The following MAML3 variants were observed in gnomAD, a reference collection of about 807,000 sequenced individuals.
The protein encoded by MAML3 is mastermind-like protein 3.
In MAML3, 27 loss-of-function variants were observed where a neutral mutation model predicts 101.9. The observed-to-expected ratio is 0.27, with a 90% CI of 0.20 to 0.37. MAML3 has a LOEUF of 0.37. Among genes scored for constraint, MAML3 ranks in the 10% least tolerant of loss-of-function variants. MAML3 has a pLI of 1.00. For missense variants in MAML3, 1,316 were observed against 1,444.9 expected, an observed-to-expected ratio of 0.91 and a Z score of 1.45; for synonymous variants, 501 against 555.9, an observed-to-expected ratio of 0.90 and a Z score of 1.39.
intron 1 of MAML3, among the ~76,000 whole-genome samples, chr4:139,926,107 A>G (rs1733222283): frequency 6.6e-6 from 1 of 152,282 alleles, no homozygotes; most frequent in Non-Finnish European, 1.5e-5. Context: ...ACACCCATAT[A>G]CCGAGAAGGC....
chr4:139,913,275 C>T (rs1732963893), intron 1 of MAML3, among the ~76,000 whole-genome samples: 1 of 152,178 alleles, frequency 6.6e-6, no homozygotes, highest in Non-Finnish European at 1.5e-5. Context: ...TTAGTGCTGT[C>T]ATCATCTGGA....
At chr4:140,147,998 C>A (rs776193636) in intron 1 of MAML3, among the ~76,000 whole-genome samples, 1 of 152,016 alleles carries the variant, frequency 6.6e-6, no homozygotes, top group South Asian at 2.1e-4. Context: ...GGCAGGAAAA[C>A]TTCTTTAACA....
chr4:139,886,038 C>T (rs1000762492), intron 2 of MAML3, among the ~76,000 whole-genome samples: 1 of 146,956 alleles, frequency 6.8e-6, no homozygotes, highest in Non-Finnish European at 1.5e-5. Flanking sequence ...AGAGAAGATT[C>T]AAAAACTTTT....
chr4:139,974,628 A>G lies in MAML3; in HGVS notation c.469-83661T>C, dbSNP rs557166655. On this transcript the variant is annotated intron_variant, in intron 1 of 4. Transcript: ENST00000509479. ...TGGTAAAATGAAGGAGTCAGAAGAG[A>G]TGATTCCCGAGACTCTTCTAGGTCT... is the stretch of plus-strand genomic sequence containing the variant. Among the ~76,000 whole-genome samples the G allele has an allele frequency of 3.9e-5, 6 of 152,276 alleles. No homozygotes were observed. The East Asian group carries it at 1.2e-3, about 29-fold the overall frequency.
chr4:139,879,188 G>A (rs140961803), intron 2 of MAML3, among the ~76,000 whole-genome samples: 16 of 152,174 alleles, frequency 1.1e-4, no homozygotes, highest in African/African-American at 3.6e-4. Context: ...TTTGTTTTGC[G>A]CCCAGCCCGC....
At chr4:140,054,422 T>C (rs1727319317) in intron 1 of MAML3, among the ~76,000 whole-genome samples, 1 of 151,282 alleles carries the variant, frequency 6.6e-6, no homozygotes, top group Admixed American at 6.6e-5. Context: ...AACATAAGAC[T>C]TGATTCATTG....
intron 2 of MAML3, among the ~76,000 whole-genome samples, chr4:139,816,083 G>C (rs1365176000): frequency 6.6e-6 from 1 of 152,186 alleles, no homozygotes; most frequent in Non-Finnish European, 1.5e-5. Flanking sequence ...GGGAGGAAGA[G>C]AGGGGAGTGC....
intron 1 of MAML3, among the ~76,000 whole-genome samples, chr4:140,062,155 C>G (rs546400233): frequency 1.3e-5 from 2 of 152,286 alleles, no homozygotes; most frequent in South Asian, 4.1e-4. Flanking sequence ...TTCAAAGTTT[C>G]CCTCCTCACA....
At chr4:139,747,640 G>A (rs1339146086) in intron 2 of MAML3, among the ~76,000 whole-genome samples, 2 of 151,914 alleles carry the variant, frequency 1.3e-5, no homozygotes, top group South Asian at 4.1e-4. Flanking sequence ...GTTACAGTGA[G>A]CCGAGATAGT....
chr4:139,964,500 G>A (rs1258328417), intron 1 of MAML3, among the ~76,000 whole-genome samples: 2 of 151,948 alleles, frequency 1.3e-5, no homozygotes, highest in African/African-American at 4.8e-5. Flanking sequence ...AAACCACCAC[G>A]GCCCATGTAT....
Position 139,782,001 on chromosome 4 carries a change from C to T in MAML3, c.2080-51334G>A, listed in dbSNP as rs570089553. ...TGCTGGATACCACGGGGAACTGTTC[C>T]ATGGAATGCAGCATTGAGGGAACTT... On this transcript the variant is annotated intron_variant, in intron 2 of 4. Coordinates refer to ENST00000509479, the MANE Select transcript of MAML3 (RefSeq NM_018717.5). Among the ~76,000 whole-genome samples, 4 of 152,184 alleles carry T rather than the reference C, an allele frequency of 2.6e-5. No homozygotes were observed. In the South Asian group the frequency reaches 8.3e-4, roughly 32 times the overall value.
chr4:140,024,846 G>A (rs1726794535), intron 1 of MAML3, among the ~76,000 whole-genome samples: 1 of 152,210 alleles, frequency 6.6e-6, no homozygotes, highest in African/African-American at 2.4e-5. Flanking sequence ...AATGCCATGA[G>A]ATTGGCTCAC....
At chr4:140,076,571 A>G (rs1207848381) in intron 1 of MAML3, among the ~76,000 whole-genome samples, 1 of 152,226 alleles carries the variant, frequency 6.6e-6, no homozygotes, top group Non-Finnish European at 1.5e-5. Flanking sequence ...ACCTATGCCT[A>G]CTTCTCTTGC....
intron 2 of MAML3, among the ~76,000 whole-genome samples, chr4:139,807,054 C>A (rs1382982322): frequency 6.6e-6 from 1 of 152,102 alleles, no homozygotes; most frequent in African/African-American, 2.4e-5. Flanking sequence ...TTAAAATTCA[C>A]CACAATAATT....
chr4:139,998,694 C>T (rs1205034470), intron 1 of MAML3, among the ~76,000 whole-genome samples: 3 of 152,130 alleles, frequency 2.0e-5, no homozygotes, highest in Non-Finnish European at 4.4e-5. Context: ...TACAATGCAG[C>T]AATTCTGGAT....
chr4:139,922,896 T>C (rs1432024491), intron 1 of MAML3, among the ~76,000 whole-genome samples: 6 of 152,104 alleles, frequency 3.9e-5, no homozygotes, highest in Non-Finnish European at 8.8e-5. Flanking sequence ...GTAGTGCCTA[T>C]CTAATGGGTG....
chr4:139,745,668 G>C (rs914530775), intron 2 of MAML3, among the ~76,000 whole-genome samples: 1 of 152,214 alleles, frequency 6.6e-6, no homozygotes, highest in Non-Finnish European at 1.5e-5. Context: ...ACCTGGCAGA[G>C]ATATAGTGAT....
At chr4:140,095,689 C>A (rs1269420191) in intron 1 of MAML3, among the ~76,000 whole-genome samples, 1 of 152,066 alleles carries the variant, frequency 6.6e-6, no homozygotes, top group Non-Finnish European at 1.5e-5. Flanking sequence ...TCCGAGCCCC[C>A]CAATAACATC....
At chr4:139,866,743 G>A (rs1731906280) in intron 2 of MAML3, among the ~76,000 whole-genome samples, 1 of 152,166 alleles carries the variant, frequency 6.6e-6, no homozygotes, top group Admixed American at 6.5e-5. Flanking sequence ...CGAAGGGTGG[G>A]GGAGCAGTCG....
Sources: allele counts gnomAD v4.1 joint callset (sites outside exome capture counted in the v4.1 genomes callset), GRCh38; gene constraint gnomAD v4.1.1; transcripts MANE v1.5; gene names NCBI Gene and HGNC (gene_info 2026-07-23, HGNC 2026-07-21).